The following OAS3 variants were observed in gnomAD, a reference collection of about 807,000 sequenced individuals.
The protein encoded by OAS3 is 2'-5'-oligoadenylate synthetase 3, also known as 2'-5'-oligoadenylate synthase 3.
Under a neutral mutation model 113.0 loss-of-function variants are expected in OAS3, and 107 were observed. That is an observed-to-expected ratio of 0.95 (90% CI 0.81 to 1.11). The LOEUF is 1.11. OAS3 is among the 50% of genes most tolerant of loss of function. OAS3 has a pLI of 0.00. For missense variants in OAS3, 1,258 were observed against 1,389.1 expected (o/e 0.91, Z 1.50); for synonymous variants, 552 against 573.6 (o/e 0.96, Z 0.54).
rs1427002564 is a variant in OAS3 at position 112,946,916 on chromosome 12, T to C, written c.810T>C (p.Thr270=). 6.2e-7 allele frequency: 1 copy of C among 1,614,070 alleles called. No individual in the cohort carries two copies. The highest frequency in any genetic ancestry group is 8.5e-7 in the Non-Finnish European group (1 of 1,179,900). Residue 270 remains threonine (T), a synonymous_variant, in exon 4 of 16, where the codon ACT becomes ACC. Transcript: ENST00000228928. ...ATCAGCACCTGTGTGTTTTCTGGAC[T>C]GTCAACTATGGCTTCGAGGACCCTG... is the stretch of plus-strand genomic sequence containing the variant. ...QQHQHLCVFW[T]VNYGFEDPAV... is the part of the protein sequence containing the mutation.
intron 3 of OAS3, among the ~76,000 whole-genome samples, 168 bp from the exon 4 acceptor site, chr12:112,946,575 G>A (rs770509738): frequency 3.3e-5 from 5 of 151,840 alleles, no homozygotes; most frequent in Non-Finnish European, 7.4e-5. Context: ...CTTGGCTGAA[G>A]CTACCAGTGA....
At chr12:112,939,835 G>A (rs1565972940) in intron 1 of OAS3, among the ~76,000 whole-genome samples, 1 of 152,210 alleles carries the variant, frequency 6.6e-6, no homozygotes, top group Non-Finnish European at 1.5e-5. Flanking sequence ...AGAGGAGGTT[G>A]TCAGGAGAGG....
In OAS3 at chr12:112,968,152, A is replaced by G; in HGVS notation, c.3082A>G (p.Lys1028Glu). Residue 1028 changes from lysine to glutamate, a missense_variant, in exon 14 of 16, where the codon AAA (lysine) becomes GAA (glutamate). Coordinates refer to ENST00000228928, the MANE Select transcript of OAS3 (RefSeq NM_006187.4). Reference sequence around the variant, plus strand: ...GGACAAGACTGTTGGAGACTTCCTGAAACAGCAGCTTCAGAAGCCCAGGTT... The same window carrying G: ...GGACAAGACTGTTGGAGACTTCCTGGAACAGCAGCTTCAGAAGCCCAGGTT... ...AKDKTVGDFLKQQLQKPRPII... is the reference protein window; with the variant it reads ...AKDKTVGDFLEQQLQKPRPII... 6.2e-7 allele frequency: 1 copy of G among 1,613,468 alleles called. No individual in the cohort carries two copies. Among genetic ancestry groups the G allele is most frequent in the Non-Finnish European group, 8.5e-7 (1 of 1,179,566 alleles).
intron 7 of OAS3, among the ~76,000 whole-genome samples, chr12:112,951,839 C>CAAAAAAAAAAAAAAAA: frequency 9.5e-6 from 1 of 105,724 alleles, no homozygotes; most frequent in African/African-American, 3.7e-5. Flanking sequence ...ACTAAAAATA[C>CAAAAAAAAAAAAAAAA]AAAAAAAAAA....
chr12:112,966,436 T>C (rs1327192891), intron 12 of OAS3, among the ~76,000 whole-genome samples: 2 of 152,182 alleles, frequency 1.3e-5, no homozygotes, highest in African/African-American at 4.8e-5. Context: ...GATCCATTCA[T>C]TCAGTTCATT....
chr12:112,967,052 A>T lies in OAS3; in HGVS notation c.2690-366A>T, dbSNP rs1013936377. Among the ~76,000 whole-genome samples the T allele has an allele frequency of 3.9e-5, 6 of 152,212 alleles. 1 individual carries two copies. The highest frequency in any genetic ancestry group is 2.6e-4 in the Admixed American group (4 of 15,288). Reference sequence around the variant, plus strand: ...ACCAGAATGGTGATGTCAACTCCATACACAGCTCTGTTACCTGCAGGAGGA... The same window carrying T: ...ACCAGAATGGTGATGTCAACTCCATTCACAGCTCTGTTACCTGCAGGAGGA... On this transcript the variant is annotated intron_variant, in intron 12 of 15. Coordinates refer to ENST00000228928, the MANE Select transcript of OAS3 (RefSeq NM_006187.4).
intron 11 of OAS3, 28 bp from the exon 12 acceptor site, chr12:112,965,716 G>C: frequency 6.3e-7 from 1 of 1,589,102 alleles, no homozygotes; most frequent in African/African-American, 1.3e-5. Context: ...TGCTTCAAGG[G>C]TTGAGCCACC....
In OAS3 at chr12:112,970,075, C is replaced by T; in HGVS notation, c.*102C>T. 1.5e-6 allele frequency: 2 copies of T among 1,356,602 alleles called. No individual in the cohort carries two copies. Among genetic ancestry groups the T allele is most frequent in the South Asian group, 2.5e-5 (2 of 80,440 alleles). 84.0% of individuals were successfully genotyped at this position (1,356,602 alleles called of 1,614,324 possible). Reference sequence around the variant, plus strand: ...CCTACCAGATGAGAGAGATTGTGTACATGTGTGTGTGAGCACATGTGTGCA... The same window carrying T: ...CCTACCAGATGAGAGAGATTGTGTATATGTGTGTGTGAGCACATGTGTGCA... On this transcript the variant is annotated 3_prime_UTR_variant, in exon 16 of 16. Coordinates refer to ENST00000228928, the MANE Select transcript of OAS3 (RefSeq NM_006187.4).
Position 112,963,344 on chromosome 12 carries a change from T to C in OAS3, c.2116T>C (p.Trp706Arg). The C allele has an allele frequency of 6.4e-7, 1 of 1,571,150 alleles. No homozygotes were observed. Among genetic ancestry groups the C allele is most frequent in the African/African-American group, 1.4e-5 (1 of 73,616 alleles). Residue 706 changes from tryptophan to arginine, a missense_variant, in exon 10 of 16, where the codon TGG becomes CGG. Physicochemically the swap from Trp to Arg is moderately radical, Grantham distance 101. Transcript: ENST00000228928. This position sits in a 1 kb window ranked among gnomAD's most constrained non-coding sequence, Gnocchi z 4.6. Reference sequence around the variant, plus strand: ...GGTCCTGGACCCCGCTGATCCCACCTGGAACGTGGGCCACGGTAGCTGGGA... The same window carrying C: ...GGTCCTGGACCCCGCTGATCCCACCCGGAACGTGGGCCACGGTAGCTGGGA... The part of the protein sequence containing the change: ...PLVLDPADPT[W>R]NVGHGSWELL...
intron 1 of OAS3, among the ~76,000 whole-genome samples, chr12:112,940,670 G>C (rs1184896587): frequency 6.6e-6 from 1 of 152,216 alleles, no homozygotes; most frequent in Non-Finnish European, 1.5e-5. Context: ...TTTACCTGCG[G>C]TCTTGAGTTT....
chr12:112,968,959 C>T (rs569845855), intron 14 of OAS3, among the ~76,000 whole-genome samples: 1 of 152,290 alleles, frequency 6.6e-6, no homozygotes, highest in East Asian at 1.9e-4. Context: ...AGATGCATCT[C>T]CAGTCAGTGG....
chr12:112,958,977 C>G lies in OAS3; in HGVS notation c.1658-2094C>G, dbSNP rs942622622. Among the ~76,000 whole-genome samples the G allele has an allele frequency of 2.4e-4, 36 of 152,248 alleles. 1 individual carries two copies. Among genetic ancestry groups the G allele is most frequent in the African/African-American group, 4.8e-5 (2 of 41,474 alleles). On this transcript the variant is annotated intron_variant, in intron 7 of 15. Transcript: ENST00000228928. The stretch of plus-strand genomic sequence containing the variant: ...ACAGAGGCAGGCAGGCCTCCTTGAG[C>G]TGCAGTGGGCTCCACCCAGTTCGAG...
chr12:112,953,738 G>A (rs2136352130), intron 7 of OAS3, among the ~76,000 whole-genome samples: 1 of 152,180 alleles, frequency 6.6e-6, no homozygotes, highest in East Asian at 1.9e-4. Context: ...CTGATGGCCA[G>A]TGATGATGAG....
At position 112,938,616 on chromosome 12, in the gene OAS3, C is replaced by T. The variant is rs1330304733; in HGVS notation, c.86C>T (p.Ala29Val). ...CCGCGGAAGGAGTTCGTAGAGAAGG[C>T]GCGGCGCGCTCTGGGCGCCCTGGCC... ...LQPRKEFVEK[A>V]RRALGALAAA... The change falls in exon 1 of 16, where the codon GCG becomes GTG. Residue 29 changes from alanine to valine, a missense_variant. Transcript: ENST00000228928. 6.2e-7 allele frequency: 1 copy of T among 1,609,616 alleles called. No homozygotes were observed. The highest frequency in any genetic ancestry group is 1.1e-5 in the South Asian group (1 of 90,762).
chr12:112,952,312 T>G (rs1403404251), intron 7 of OAS3, among the ~76,000 whole-genome samples: 1 of 152,224 alleles, frequency 6.6e-6, no homozygotes, highest in African/African-American at 2.4e-5. Context: ...AAGCCTTTTG[T>G]CTGACATTAA....
chr12:112,955,451 T>C (rs2043824354), intron 7 of OAS3, among the ~76,000 whole-genome samples: 1 of 152,254 alleles, frequency 6.6e-6, no homozygotes. Flanking sequence ...CGATATTGGC[T>C]GTGGGTTTGT....
Position 112,941,672 on chromosome 12 carries a change from C to T in OAS3, c.280C>T (p.Arg94Cys), listed in dbSNP as rs774201013. ...FKSYVDQRAR[R>C]AEILSEMRAS... ...GAGCTATGTGGACCAGAGGGCCCGC[C>T]GTGCAGAGATCCTCAGTGAGATGCG... Residue 94 changes from arginine to cysteine, a missense_variant, in exon 2 of 16, where the codon CGT becomes TGT. Physicochemically the swap from Arg to Cys is radical, Grantham distance 180. Coordinates refer to ENST00000228928, the MANE Select transcript of OAS3 (RefSeq NM_006187.4). 1.7e-5 allele frequency: 27 copies of T among 1,613,918 alleles called. No homozygotes were observed. The highest frequency in any genetic ancestry group is 1.3e-4 in the East Asian group (6 of 44,898).
rs2043902182 is a variant in OAS3 at position 112,963,002 on chromosome 12, G to A, written c.2084+100G>A. Reference sequence around the variant, plus strand: ...GGAGGAGTCCAAGGTAGGGTTTGGGGTGGCAATCCCACTCCTCACTCTGCT... The same window carrying A: ...GGAGGAGTCCAAGGTAGGGTTTGGGATGGCAATCCCACTCCTCACTCTGCT... On this transcript the variant is annotated intron_variant, in intron 9 of 15. Coordinates refer to ENST00000228928, the MANE Select transcript of OAS3 (RefSeq NM_006187.4). This position sits in a 1 kb window ranked among gnomAD's most constrained non-coding sequence, Gnocchi z 4.6. The A allele has an allele frequency of 1.3e-6, 2 of 1,504,336 alleles. No homozygotes were observed. The highest frequency in any genetic ancestry group is 1.8e-5 in the Admixed American group (1 of 55,480). 93.2% of individuals were successfully genotyped at this position (1,504,336 alleles called of 1,614,324 possible).
chr12:112,967,594 G>A lies in OAS3; in HGVS notation c.2865+1G>A. The A allele has an allele frequency of 2.5e-6, 4 of 1,612,600 alleles. No homozygotes were observed. The highest frequency in any genetic ancestry group is 3.3e-5 in the Admixed American group (2 of 59,878). On this transcript the variant is annotated splice_donor_variant, in intron 13 of 15. Coordinates refer to ENST00000228928, the MANE Select transcript of OAS3 (RefSeq NM_006187.4). LOFTEE classifies it high-confidence loss of function. Reference sequence around the variant, plus strand: ...GCTGGTGAAGCACTGGTACCAGCAGGTTCGGCACATGGATAGGCCACCTTC... The same window carrying A: ...GCTGGTGAAGCACTGGTACCAGCAGATTCGGCACATGGATAGGCCACCTTC...
Sources: gnomAD v4.1 joint callset for allele counts (sites outside exome capture counted in the v4.1 genomes callset) on GRCh38, gnomAD v4.1.1 for gene constraint, Gnocchi (gnomAD v3.1) non-coding constraint, MANE v1.5 for transcripts, NCBI Gene and HGNC (gene_info 2026-07-23, HGNC 2026-07-21) for gene names.